The following CADPS variants were observed in gnomAD, a reference collection of about 807,000 sequenced individuals.
CADPS encodes calcium-dependent secretion activator 1.
Under a neutral mutation model 167.3 loss-of-function variants are expected in CADPS, and 57 were observed. The observed-to-expected ratio is 0.34, with a 90% CI of 0.28 to 0.42. The LOEUF is 0.42. Among genes scored for constraint, CADPS ranks in the 20% least tolerant of loss-of-function variants. The pLI is 1.00. For missense variants in CADPS, 1,414 were observed against 1,738.1 expected (o/e 0.81, Z 3.32); for synonymous variants, 676 against 635.3 (o/e 1.06, Z -0.96).
intron 5 of CADPS, among the ~76,000 whole-genome samples, chr3:62,649,483 C>G (rs1043274257): frequency 6.7e-6 from 1 of 148,542 alleles, no homozygotes; most frequent in African/African-American, 2.5e-5. Flanking sequence ...AATCCACTTC[C>G]TATTTCTGTA....
At chr3:62,508,604 A>C (rs571034735) in intron 17 of CADPS, among the ~76,000 whole-genome samples, 1 of 152,284 alleles carries the variant, frequency 6.6e-6, no homozygotes, top group South Asian at 2.1e-4. Flanking sequence ...CTTATGTTTG[A>C]TAGCATGTCA....
At chr3:62,700,020 G>A (rs968060035) in intron 3 of CADPS, among the ~76,000 whole-genome samples, 1 of 152,048 alleles carries the variant, frequency 6.6e-6, no homozygotes, top group East Asian at 1.9e-4. Context: ...GAAAATGTTT[G>A]CCAACCCCTA....
intron 13 of CADPS, among the ~76,000 whole-genome samples, chr3:62,522,180 A>G (rs1169874822): frequency 6.6e-6 from 1 of 151,954 alleles, no homozygotes; most frequent in Non-Finnish European, 1.5e-5. Flanking sequence ...CATTCAGCCT[A>G]AGGTGGAGTG....
chr3:62,705,226 AG>A (rs2082109728), intron 3 of CADPS, among the ~76,000 whole-genome samples: 2 of 152,044 alleles, frequency 1.3e-5, no homozygotes, highest in African/African-American at 4.8e-5. Flanking sequence ...GTCTGGGGTG[AG>A]GTCATTTGAG....
In CADPS at chr3:62,641,855, C is replaced by T. The variant is rs189469825; in HGVS notation, c.1325+3867G>A. Among the ~76,000 whole-genome samples, 366 of 152,062 alleles carry T rather than the reference C, an allele frequency of 2.4e-3. 1 individual carries two copies. The highest frequency in any genetic ancestry group is 3.5e-3 in the Non-Finnish European group (239 of 67,982). On this transcript the variant is annotated intron_variant, in intron 6 of 29. Transcript: ENST00000383710. The stretch of plus-strand genomic sequence containing the variant: ...TTTAGCTGAGAGTATAAGAGGCTGC[C>T]GGCCTTCACCACACACACCATTTTT...
At chr3:62,410,149 AT>A (rs1259839661) in intron 28 of CADPS, among the ~76,000 whole-genome samples, 2 of 152,210 alleles carry the variant, frequency 1.3e-5, no homozygotes, top group Non-Finnish European at 2.9e-5. Flanking sequence ...CTTTAAAAAA[AT>A]AATGGCCTAA....
chr3:62,491,282 A>G, intron 21 of CADPS, 57 bp downstream of exon 21: 5 of 1,562,010 alleles, frequency 3.2e-6, no homozygotes, highest in Admixed American at 3.4e-5. Flanking sequence ...CCATTTCTGT[A>G]TTACTCTCCA....
chr3:62,751,934 T>C (rs1276724341), intron 3 of CADPS, among the ~76,000 whole-genome samples: 2 of 152,168 alleles, frequency 1.3e-5, no homozygotes, highest in East Asian at 3.9e-4. Context: ...AGAAATGGCA[T>C]AACAATGGAT....
chr3:62,796,532 T>G (rs1440101473), intron 1 of CADPS: 2 of 152,050 alleles, frequency 1.3e-5, no homozygotes, highest in East Asian at 3.9e-4. Context: ...CGTGAAGGAG[T>G]TACATAAGAA....
intron 1 of CADPS, among the ~76,000 whole-genome samples, chr3:62,869,445 C>A (rs1156389614): frequency 1.3e-5 from 2 of 152,212 alleles, no homozygotes; most frequent in East Asian, 3.9e-4. Flanking sequence ...ATTTCTGCTA[C>A]CTAGTGTTCT....
chr3:62,464,213 G>A (rs1031231390), intron 26 of CADPS, among the ~76,000 whole-genome samples: 2 of 152,118 alleles, frequency 1.3e-5, no homozygotes, highest in Admixed American at 1.3e-4. Flanking sequence ...GGTTCTGAGG[G>A]GATGGGACAT....
At chr3:62,648,695 A>AAAAAAG (rs2150137288) in intron 5 of CADPS, among the ~76,000 whole-genome samples, 1 of 150,030 alleles carries the variant, frequency 6.7e-6, no homozygotes, top group East Asian at 1.9e-4. Flanking sequence ...TTGTGTCAAA[A>AAAAAAG]AAAAAAAAAA....
At chr3:62,854,027 G>A (rs566681442) in intron 1 of CADPS, among the ~76,000 whole-genome samples, 1 of 152,048 alleles carries the variant, frequency 6.6e-6, no homozygotes, top group Non-Finnish European at 1.5e-5. Context: ...CTCTCATGTT[G>A]GTGTCATTTC....
At chr3:62,401,068 T>G (rs1024927588) in intron 29 of CADPS, among the ~76,000 whole-genome samples, 3 of 152,206 alleles carry the variant, frequency 2.0e-5, no homozygotes, top group Non-Finnish European at 1.5e-5. Flanking sequence ...CATTAAATTA[T>G]AAGGTTATCC....
intron 8 of CADPS, among the ~76,000 whole-genome samples, chr3:62,580,580 T>C (rs1282043181): frequency 7.7e-6 from 1 of 129,668 alleles, no homozygotes; most frequent in African/African-American, 3.2e-5. Flanking sequence ...AAACTTAAAG[T>C]ATAATAAAAA....
Position 62,874,978 on chromosome 3 carries a change from C to T in CADPS, c.52G>A (p.Glu18Lys), listed in dbSNP as rs1427790288. 6.3e-7 allele frequency: 1 copy of T among 1,595,430 alleles called. No homozygotes were observed. Among genetic ancestry groups the T allele is most frequent in the East Asian group, 2.4e-5 (1 of 42,062 alleles). Residue 18 changes from glutamate (E) to lysine (K), a missense_variant, in exon 1 of 30, where the codon GAG becomes AAG. Around this residue, in one of 6 missense-constraint regions of CADPS, gnomAD observed 522 missense variants for 559.5 expected, o/e 0.93. Transcript: ENST00000383710. This position sits in a 1 kb window ranked among gnomAD's most constrained non-coding sequence, Gnocchi z 7.1. ...GAGCCGAGCACCTCCTTGCCGCTCTCCTCCTCCACGATCTCATCCGATTCT... is the reference window on the plus strand; with the variant it reads ...GAGCCGAGCACCTCCTTGCCGCTCTTCTCCTCCACGATCTCATCCGATTCT... ...EEESDEIVEEESGKEVLGSAP... is the reference protein window; with the variant it reads ...EEESDEIVEEKSGKEVLGSAP...
intron 26 of CADPS, among the ~76,000 whole-genome samples, chr3:62,456,778 A>G (rs1273322540): frequency 6.6e-6 from 1 of 151,678 alleles, no homozygotes; most frequent in Non-Finnish European, 1.5e-5. Context: ...AAAAAAAAAA[A>G]ACCCAATATA....
At chr3:62,787,127 C>T (rs982870067) in intron 1 of CADPS, among the ~76,000 whole-genome samples, 1 of 152,070 alleles carries the variant, frequency 6.6e-6, no homozygotes, top group Admixed American at 6.6e-5. Context: ...AAACCTGTCT[C>T]TACCAAAAAT....
chr3:62,456,966 T>C (rs902880237), intron 26 of CADPS, among the ~76,000 whole-genome samples: 7 of 152,074 alleles, frequency 4.6e-5, no homozygotes, highest in Non-Finnish European at 8.8e-5. Flanking sequence ...AGTGGAAACA[T>C]TGAACCAGAA....
Sources: gnomAD v4.1 joint callset for allele counts (sites outside exome capture counted in the v4.1 genomes callset) on GRCh38, gnomAD v4.1.1 for gene constraint, gnomAD v4.1.1 regional missense constraint, Gnocchi (gnomAD v3.1) non-coding constraint, MANE v1.5 for transcripts, NCBI Gene and HGNC (gene_info 2026-07-23, HGNC 2026-07-21) for gene names.